Variants in ADAMTSL1 observed in about 807,000 individuals in gnomAD.
ADAMTSL1 encodes ADAMTS like 1, also known as ADAMTS-like protein 1.
In ADAMTSL1, 126 loss-of-function variants were observed where a neutral mutation model predicts 201.8. The observed-to-expected ratio is 0.62, with a 90% CI of 0.54 to 0.72. The LOEUF (loss-of-function observed/expected upper bound fraction) is 0.72, where lower values mean the gene tolerates loss of function less well. Among genes scored for constraint, ADAMTSL1 ranks in the 30% least tolerant of loss-of-function variants. ADAMTSL1 has a pLI of 0.00. For missense variants in ADAMTSL1, 2,679 were observed against 2,277.8 expected, an observed-to-expected ratio of 1.18 and a Z score of -3.59; for synonymous variants, 1,121 against 903.4, an observed-to-expected ratio of 1.24 and a Z score of -4.32.
At chr9:17,945,737 A>G (rs1266650299) in intron 1 of ADAMTSL1, among the ~76,000 whole-genome samples, 1 of 148,402 alleles carries the variant, frequency 6.7e-6, no homozygotes, top group Non-Finnish European at 1.5e-5. Flanking sequence ...AACACCGCAT[A>G]TTCTCACTCA....
chr9:18,241,035 T>C (rs1831041797), intron 2 of ADAMTSL1, among the ~76,000 whole-genome samples: 1 of 152,214 alleles, frequency 6.6e-6, no homozygotes, highest in African/African-American at 2.4e-5. Context: ...TCCAGACCAC[T>C]AAAACTTTCC....
chr9:18,384,735 C>T (rs1196398898), intron 2 of ADAMTSL1, among the ~76,000 whole-genome samples: 1 of 152,130 alleles, frequency 6.6e-6, no homozygotes, highest in South Asian at 2.1e-4. Context: ...TGCTCCCTTT[C>T]CTTGACATTC....
intron 2 of ADAMTSL1, among the ~76,000 whole-genome samples, chr9:18,344,125 T>TA (rs1835593837): frequency 6.6e-6 from 1 of 152,152 alleles, no homozygotes; most frequent in Non-Finnish European, 1.5e-5. Context: ...GTCATGAGTG[T>TA]AAAAAATGTT....
chr9:18,554,708 C>A (rs1383142961), intron 3 of ADAMTSL1, among the ~76,000 whole-genome samples: 1 of 148,440 alleles, frequency 6.7e-6, no homozygotes, highest in Non-Finnish European at 1.5e-5. Flanking sequence ...TGTATTATCT[C>A]ATTTTATTTT....
intron 1 of ADAMTSL1, among the ~76,000 whole-genome samples, chr9:17,949,915 G>A (rs565761037): frequency 6.6e-6 from 1 of 152,014 alleles, no homozygotes; most frequent in East Asian, 1.9e-4. Context: ...GTTACATGCT[G>A]TTACCGTAGT....
intron 1 of ADAMTSL1, among the ~76,000 whole-genome samples, chr9:17,931,837 A>C (rs573024731): frequency 9.2e-5 from 14 of 152,278 alleles, no homozygotes; most frequent in South Asian, 4.1e-4. Flanking sequence ...CTAGACAATG[A>C]TGGAGCTCCC....
chr9:18,121,876 A>C (rs1825513732), intron 1 of ADAMTSL1, among the ~76,000 whole-genome samples: 1 of 152,150 alleles, frequency 6.6e-6, no homozygotes, highest in African/African-American at 2.4e-5. Flanking sequence ...AACTCTTTAG[A>C]AAATTTTCAT....
In ADAMTSL1 at chr9:18,406,314, CTT is replaced by C. The variant is rs1818198174; in HGVS notation, c.208-98512_208-98511del. On this transcript the variant is annotated intron_variant, in intron 2 of 29. Coordinates refer to the ADAMTSL1 transcript ENST00000680146. ...TTTTTCTTTTCTTTTCTTTTCTTTT[CTT>C]TTCTTTTCTTTTCTTTTCTTTTCTT... 6.1e-5 allele frequency among the ~76,000 whole-genome samples: 9 copies of C among 146,724 alleles called. 1 individual carries two copies. Among genetic ancestry groups the C allele is most frequent in the African/African-American group, 1.0e-4 (4 of 39,058 alleles).
chr9:18,850,188 C>T (rs1307526940), intron 23 of ADAMTSL1, among the ~76,000 whole-genome samples: 2 of 152,192 alleles, frequency 1.3e-5, no homozygotes, highest in Non-Finnish European at 2.9e-5. Context: ...CACACTTGCT[C>T]CTGCCCTTTC....
At chr9:18,014,520 C>G (rs1820175631) in intron 1 of ADAMTSL1, among the ~76,000 whole-genome samples, 1 of 152,056 alleles carries the variant, frequency 6.6e-6, no homozygotes, top group Non-Finnish European at 1.5e-5. Context: ...AAGGAATTCA[C>G]TAAGAGTATA....
At chr9:18,433,053 G>T (rs1819566148) in intron 2 of ADAMTSL1, among the ~76,000 whole-genome samples, 1 of 151,756 alleles carries the variant, frequency 6.6e-6, no homozygotes, top group South Asian at 2.1e-4. Flanking sequence ...AATAACTTTG[G>T]CTAGATTTTT....
intron 1 of ADAMTSL1, among the ~76,000 whole-genome samples, chr9:17,966,084 C>T (rs1245392095): frequency 2.6e-5 from 4 of 152,050 alleles, no homozygotes; most frequent in African/African-American, 9.7e-5. Flanking sequence ...AAATATGGTC[C>T]ACATATTTTA....
At chr9:18,184,077 G>A (rs982019947) in intron 2 of ADAMTSL1, among the ~76,000 whole-genome samples, 4 of 152,124 alleles carry the variant, frequency 2.6e-5, no homozygotes, top group Admixed American at 6.5e-5. Context: ...AGATAATTCC[G>A]AAATGTAACA....
At chr9:18,204,934 T>G (rs1027733855) in intron 2 of ADAMTSL1, among the ~76,000 whole-genome samples, 12 of 152,300 alleles carry the variant, frequency 7.9e-5, no homozygotes, top group Middle Eastern at 3.4e-3. Flanking sequence ...GTAATACATT[T>G]GATTGAGTTG....
intron 2 of ADAMTSL1, among the ~76,000 whole-genome samples, chr9:18,213,375 C>CA (rs1441628376): frequency 1.3e-5 from 2 of 152,134 alleles, no homozygotes; most frequent in African/African-American, 4.8e-5. Context: ...CTTCGGAGAA[C>CA]AAAACACTGT....
chr9:18,877,955 C>G (rs1299603031), intron 23 of ADAMTSL1, among the ~76,000 whole-genome samples: 1 of 152,084 alleles, frequency 6.6e-6, no homozygotes, highest in Non-Finnish European at 1.5e-5. Flanking sequence ...GCTGGGACTG[C>G]TATAGGGGAT....
intron 2 of ADAMTSL1, among the ~76,000 whole-genome samples, chr9:18,289,686 G>C (rs1457997998): frequency 6.6e-6 from 1 of 152,204 alleles, no homozygotes; most frequent in African/African-American, 2.4e-5. Context: ...GAGGAGGAAA[G>C]GATGACAAAA....
chr9:18,399,327 A>G (rs868762460), intron 2 of ADAMTSL1, among the ~76,000 whole-genome samples: 4 of 113,072 alleles, frequency 3.5e-5, no homozygotes, highest in African/African-American at 1.1e-4. Context: ...ATATATATAT[A>G]TAAAATTATT....
At chr9:18,760,460 C>G (rs1434542611) in intron 16 of ADAMTSL1, among the ~76,000 whole-genome samples, 1 of 152,104 alleles carries the variant, frequency 6.6e-6, no homozygotes, top group African/African-American at 2.4e-5. Flanking sequence ...ACTGAGAACC[C>G]CTGCATAGGG....
Sources: gnomAD v4.1 joint callset for allele counts (sites outside exome capture counted in the v4.1 genomes callset) on GRCh38, gnomAD v4.1.1 for gene constraint, MANE v1.5 for transcripts, NCBI Gene and HGNC (gene_info 2026-07-23, HGNC 2026-07-21) for gene names.